The following ANXA10 variants were observed in gnomAD, a reference collection of about 807,000 sequenced individuals.
ANXA10 encodes annexin 14.
A neutral mutation model predicts 53.5 loss-of-function variants in ANXA10; 49 were observed. The observed-to-expected ratio is 0.92, with a 90% confidence interval of 0.73 to 1.16. ANXA10 has a LOEUF of 1.16. Ranked by LOEUF, ANXA10 falls within the 50% of genes most tolerant of loss-of-function variation. ANXA10 has a pLI of 0.00. For synonymous variants in ANXA10, 131 were observed against 128.9 expected (o/e 1.02, Z -0.11); for missense variants, 393 against 394.4 (o/e 1.00, Z 0.03).
intron 9 of ANXA10, among the ~76,000 whole-genome samples, chr4:168,180,032 A>G (rs992285954): frequency 3.9e-5 from 6 of 152,178 alleles, no homozygotes; most frequent in African/African-American, 1.4e-4. Flanking sequence ...CTTAGATACT[A>G]GTTGAATAAA....
chr4:168,163,508 A>G (rs904008151), intron 4 of ANXA10, among the ~76,000 whole-genome samples: 2 of 152,186 alleles, frequency 1.3e-5, no homozygotes, highest in African/African-American at 4.8e-5. Context: ...CACATGTTAC[A>G]TGTCAATTCC....
intron 6 of ANXA10, among the ~76,000 whole-genome samples, chr4:168,171,930 T>C (rs1731998223): frequency 6.6e-6 from 1 of 152,188 alleles, no homozygotes; most frequent in Non-Finnish European, 1.5e-5. Context: ...GCTTTCAGAA[T>C]TCTCTTATGA....
At chr4:168,111,811 A>T (rs1201374736) in intron 1 of ANXA10, among the ~76,000 whole-genome samples, 1 of 152,212 alleles carries the variant, frequency 6.6e-6, no homozygotes, top group African/African-American at 2.4e-5. Flanking sequence ...ACTGAATTTA[A>T]ATATTATTTC....
At chr4:168,152,379 A>G (rs954903367) in intron 3 of ANXA10, among the ~76,000 whole-genome samples, 1 of 152,204 alleles carries the variant, frequency 6.6e-6, no homozygotes, top group African/African-American at 2.4e-5. Flanking sequence ...TAGCCAGAGC[A>G]AGAGAAATCA....
intron 2 of ANXA10, among the ~76,000 whole-genome samples, chr4:168,136,810 T>C (rs1731244793): frequency 6.6e-6 from 1 of 152,150 alleles, no homozygotes; most frequent in African/African-American, 2.4e-5. Flanking sequence ...GTGTGGGGGC[T>C]CCAACCCCAC....
chr4:168,169,400 T>G (rs1328577940), intron 6 of ANXA10, among the ~76,000 whole-genome samples: 1 of 152,198 alleles, frequency 6.6e-6, no homozygotes, highest in East Asian at 1.9e-4. Context: ...AATCCTAATA[T>G]CAAACAAGTT....
chr4:168,131,062 T>C (rs186027679), intron 2 of ANXA10, among the ~76,000 whole-genome samples: 2 of 152,102 alleles, frequency 1.3e-5, no homozygotes, highest in Non-Finnish European at 2.9e-5. Context: ...CTTTTTCCAG[T>C]TTCCTAAGAT....
chr4:168,113,606 A>T (rs1730845651), intron 1 of ANXA10, among the ~76,000 whole-genome samples: 1 of 152,252 alleles, frequency 6.6e-6, no homozygotes, highest in South Asian at 2.1e-4. Flanking sequence ...AATCCCATTT[A>T]TTAGGACAGA....
At chr4:168,149,207 C>T (rs1409097300) in intron 3 of ANXA10, among the ~76,000 whole-genome samples, 1 of 152,160 alleles carries the variant, frequency 6.6e-6, no homozygotes, top group Non-Finnish European at 1.5e-5. Context: ...TAGTGTCTCT[C>T]CAGCATTGTC....
chr4:168,187,316 T>C (rs752966261), intron 11 of ANXA10, 50 bp from the exon 12 acceptor site: 5 of 1,253,742 alleles, frequency 4.0e-6, no homozygotes, highest in Non-Finnish European at 5.6e-6. Flanking sequence ...GCTTCCTTTT[T>C]AGAACTATTA....
intron 1 of ANXA10, among the ~76,000 whole-genome samples, chr4:168,095,616 T>C (rs1287828449): frequency 6.6e-6 from 1 of 152,116 alleles, no homozygotes; most frequent in Non-Finnish European, 1.5e-5. Context: ...CATGCAAAGG[T>C]TTGAAGTTCT....
chr4:168,153,770 T>C (rs1169129625), intron 3 of ANXA10, among the ~76,000 whole-genome samples: 2 of 152,180 alleles, frequency 1.3e-5, no homozygotes, highest in Non-Finnish European at 2.9e-5. Context: ...ATTTTCACTT[T>C]GCAGATTGTG....
At chr4:168,122,389 C>T (rs148521362) in intron 1 of ANXA10, among the ~76,000 whole-genome samples, 1 of 152,172 alleles carries the variant, frequency 6.6e-6, no homozygotes, top group African/African-American at 2.4e-5. Flanking sequence ...CTCGCACATA[C>T]ATTTTAAGCC....
chr4:168,132,229 G>A (rs1481244234), intron 2 of ANXA10, among the ~76,000 whole-genome samples: 2 of 152,020 alleles, frequency 1.3e-5, no homozygotes, highest in Non-Finnish European at 1.5e-5. Context: ...AGCAACCTGT[G>A]CATCAACAGA....
At chr4:168,152,443 T>C (rs1190178359) in intron 3 of ANXA10, among the ~76,000 whole-genome samples, 1 of 152,188 alleles carries the variant, frequency 6.6e-6, no homozygotes, top group African/African-American at 2.4e-5. Flanking sequence ...AGATATTATG[T>C]ATCTTGTTGA....
intron 6 of ANXA10, among the ~76,000 whole-genome samples, chr4:168,168,912 G>C (rs1418690742): frequency 2.0e-5 from 3 of 152,134 alleles, no homozygotes; most frequent in Non-Finnish European, 2.9e-5. Flanking sequence ...GTTTGGTTTT[G>C]GTTTGGTTTA....
rs189587525 is a variant in ANXA10, at chr4:168,119,355, A to G, written c.19-8729A>G. On this transcript the variant is annotated intron_variant, in intron 1 of 11. Coordinates refer to ENST00000359299, the MANE Select transcript of ANXA10 (RefSeq NM_007193.5). Reference sequence around the variant, plus strand: ...CTGTGATAGGAAACTAGGAATTACCAAAATGATTGCAGATGTCCTTGACTC... The same window carrying G: ...CTGTGATAGGAAACTAGGAATTACCGAAATGATTGCAGATGTCCTTGACTC... 1.3e-3 allele frequency among the ~76,000 whole-genome samples: 197 copies of G among 152,306 alleles called. 6 individuals carry two copies. In the East Asian group the frequency reaches 0.029, roughly 22 times the overall value.
At chr4:168,140,053 A>G (rs2149472208) in intron 3 of ANXA10, among the ~76,000 whole-genome samples, 1 of 152,356 alleles carries the variant, frequency 6.6e-6, no homozygotes, top group African/African-American at 2.4e-5. Context: ...TCCTTTCACC[A>G]GCATGCAGCT....
intron 1 of ANXA10, among the ~76,000 whole-genome samples, chr4:168,121,201 T>C (rs543172631): frequency 2.0e-4 from 31 of 152,160 alleles, no homozygotes; most frequent in Non-Finnish European, 4.0e-4. Flanking sequence ...ACATATGTCT[T>C]TTATACTCAC....
Sources: allele counts gnomAD v4.1 joint callset (sites outside exome capture counted in the v4.1 genomes callset), GRCh38; gene constraint gnomAD v4.1.1; transcripts MANE v1.5; gene names NCBI Gene and HGNC (gene_info 2026-07-23, HGNC 2026-07-21).